FBXL2: variants seen among roughly 807,000 people sequenced by gnomAD.
The protein encoded by FBXL2 is F-box/LRR-repeat protein 2.
Under a neutral mutation model 69.2 loss-of-function variants are expected in FBXL2, and 38 were observed. That is an observed-to-expected ratio of 0.55 (90% CI 0.42 to 0.72). FBXL2 has a LOEUF of 0.72. FBXL2 is among the 30% of genes least tolerant of loss of function. The pLI is 0.00. For synonymous variants in FBXL2, 192 were observed against 201.3 expected (o/e 0.95, Z 0.39); for missense variants, 354 against 520.3 (o/e 0.68, Z 3.11).
At chr3:33,323,702 C>T (rs1263415549) in intron 2 of FBXL2, among the ~76,000 whole-genome samples, 1 of 152,224 alleles carries the variant, frequency 6.6e-6, no homozygotes, top group Non-Finnish European at 1.5e-5. Flanking sequence ...TTTATCCAGT[C>T]TATCACTGAT....
the FBXL2 span, among the ~76,000 whole-genome samples, chr3:33,414,970 G>A: frequency 6.5e-5 from 9 of 138,698 alleles, no homozygotes; most frequent in East Asian, 2.5e-4. Context: ...AGTTCATTAC[G>A]TCATAATGAG....
chr3:33,342,004 CTT>C (rs538123970), intron 2 of FBXL2, among the ~76,000 whole-genome samples: 25 of 109,758 alleles, frequency 2.3e-4, no homozygotes, highest in East Asian at 9.1e-4. Context: ...TTTTCTTTAT[CTT>C]TTTTTTTTTT....
chr3:33,409,090 A>G, the FBXL2 span: 1 of 812,004 alleles, frequency 1.2e-6, no homozygotes, highest in East Asian at 2.6e-5. Context: ...CCAAATTTAA[A>G]TATTTTCCCC....
Position 33,387,618 on chromosome 3 carries a change from A to AAAAC in FBXL2, c.*2026_*2029dup, listed in dbSNP as rs138762064. 20,530 of 150,348 alleles carry AAAAC rather than the reference A, an allele frequency of 0.14. 1,548 individuals carry two copies. The highest frequency in any genetic ancestry group is 0.2 in the African/African-American group (8,040 of 39,930). The allele number at this position is 150,348 out of a possible 1,614,324, so 9.3% of individuals were successfully genotyped here. A position where few individuals can be genotyped will look rare whatever the true frequency, so the allele number is the denominator to read the frequency against. On this transcript the variant is annotated 3_prime_UTR_variant, in exon 15 of 15. Coordinates refer to ENST00000484457, the MANE Select transcript of FBXL2 (RefSeq NM_012157.5). ...TGAGACTCCATCATCATCTCAAAAC[A>AAAAC]AAACAAACAAACAAACAAAACAAAC...
intron 2 of FBXL2, among the ~76,000 whole-genome samples, chr3:33,329,561 T>C (rs1019309331): frequency 3.3e-5 from 5 of 151,688 alleles, no homozygotes; most frequent in African/African-American, 1.2e-4. Flanking sequence ...ACGTTATATA[T>C]ACATAATGGA....
intron 12 of FBXL2, 67 bp from the exon 13 acceptor site, chr3:33,378,615 CAGG>C: frequency 2.7e-6 from 4 of 1,460,500 alleles, no homozygotes; most frequent in Non-Finnish European, 3.7e-6. Context: ...TTCTCGTGTT[CAGG>C]AGAAGCCAGG....
chr3:33,400,342 C>A, intron 12 of FBXL2: 1 of 1,365,754 alleles, frequency 7.3e-7, no homozygotes, highest in Non-Finnish European at 1.0e-6. Context: ...AACATTTAAA[C>A]AAAACACAGA....
intron 2 of FBXL2, among the ~76,000 whole-genome samples, chr3:33,314,855 T>C (rs890901683): frequency 1.3e-5 from 2 of 152,220 alleles, no homozygotes; most frequent in Non-Finnish European, 2.9e-5. Flanking sequence ...TTATTATTGG[T>C]ATAATTTTCC....
intron 1 of FBXL2, among the ~76,000 whole-genome samples, chr3:33,284,892 G>A (rs973724275): frequency 1.3e-5 from 2 of 151,992 alleles, no homozygotes; most frequent in African/African-American, 4.8e-5. Context: ...TTTTCCATTT[G>A]CTTGGTAGAT....
At chr3:33,392,651 A>G (rs765192738), downstream of FBXL2, 2 of 1,561,576 alleles carry the variant, frequency 1.3e-6, no homozygotes, top group East Asian at 4.5e-5. Flanking sequence ...TACAATTAAG[A>G]TCCAACTGTC....
At chr3:33,302,707 A>C (rs573578657) in intron 2 of FBXL2, among the ~76,000 whole-genome samples, 2 of 152,284 alleles carry the variant, frequency 1.3e-5, no homozygotes, top group South Asian at 4.1e-4. Flanking sequence ...TTCCTTTTTA[A>C]ATTTGTGTGG....
At chr3:33,359,384 A>T (rs2041450757) in intron 4 of FBXL2, 27 bp downstream of exon 4, 6 of 1,565,118 alleles carry the variant, frequency 3.8e-6, no homozygotes, top group Non-Finnish European at 5.3e-6. Context: ...TTAGACAAAA[A>T]ACTTTTTAAA....
chr3:33,366,078 A>G (rs1270866660), intron 5 of FBXL2, among the ~76,000 whole-genome samples: 1 of 152,238 alleles, frequency 6.6e-6, no homozygotes, highest in Non-Finnish European at 1.5e-5. Flanking sequence ...AATGTTATGG[A>G]ACAAAATGAT....
chr3:33,368,723 AC>A (rs2042106897), intron 5 of FBXL2, among the ~76,000 whole-genome samples: 2 of 151,804 alleles, frequency 1.3e-5, no homozygotes, highest in Admixed American at 1.3e-4. Flanking sequence ...AGTAGCTGGG[AC>A]CACAGGCGTG....
downstream of FBXL2, chr3:33,392,454 A>C: frequency 2.1e-6 from 2 of 948,350 alleles, no homozygotes; most frequent in African/African-American, 1.7e-5. Context: ...TTTCTTCTTA[A>C]AATGAGTAAA....
chr3:33,278,833 G>A (rs1019543925), intron 1 of FBXL2, among the ~76,000 whole-genome samples: 1 of 152,156 alleles, frequency 6.6e-6, no homozygotes, highest in Non-Finnish European at 1.5e-5. Flanking sequence ...GAAGATATAA[G>A]TGTTTCAAAT....
At chr3:33,281,816 T>C (rs957319153) in intron 1 of FBXL2, among the ~76,000 whole-genome samples, 1 of 152,184 alleles carries the variant, frequency 6.6e-6, no homozygotes, top group South Asian at 2.1e-4. Flanking sequence ...CATTTTTTCA[T>C]GTGTTTTTTG....
At chr3:33,278,864 T>C (rs1374961510) in intron 1 of FBXL2, among the ~76,000 whole-genome samples, 1 of 152,224 alleles carries the variant, frequency 6.6e-6, no homozygotes, top group East Asian at 1.9e-4. Context: ...TTTACTGTAA[T>C]ATGTTATATG....
the FBXL2 span, among the ~76,000 whole-genome samples, chr3:33,418,657 G>A: frequency 3.3e-5 from 5 of 151,614 alleles, no homozygotes; most frequent in African/African-American, 9.7e-5. Flanking sequence ...TTGGGAGTTC[G>A]AGACCAGCCT....
Sources: allele counts gnomAD v4.1 joint callset (sites outside exome capture counted in the v4.1 genomes callset), GRCh38; gene constraint gnomAD v4.1.1; transcripts MANE v1.5; gene names NCBI Gene and HGNC (gene_info 2026-07-23, HGNC 2026-07-21).